MIB1: variants seen among roughly 807,000 people sequenced by gnomAD.
MIB1 encodes E3 ubiquitin-protein ligase MIB1.
Under a neutral mutation model 124.5 loss-of-function variants are expected in MIB1, and 278 were observed. The ratio of observed to expected loss-of-function variants is 2.23; its 90% CI spans 2.02 to 2.47. The LOEUF is 2.47. Among genes scored for constraint, MIB1 ranks in the 30% most tolerant of loss-of-function variants. The pLI is 0.00. For synonymous variants in MIB1, 446 were observed against 429.4 expected (o/e 1.04, Z -0.48); for missense variants, 957 against 1,254.4 (o/e 0.76, Z 3.58).
Position 21,824,664 on chromosome 18 carries a change from T to C in MIB1, c.1829+5018T>C, listed in dbSNP as rs182332480. Reference sequence around the variant, plus strand: ...AAGTGATAAGATATATATTTATATATGTCTCCTTTTGCCCACAGTCTTTTA... The same window carrying C: ...AAGTGATAAGATATATATTTATATACGTCTCCTTTTGCCCACAGTCTTTTA... On this transcript the variant is annotated intron_variant, in intron 12 of 20. Coordinates refer to ENST00000261537, the MANE Select transcript of MIB1 (RefSeq NM_020774.4). Among the ~76,000 whole-genome samples, 998 of 152,230 alleles carry C rather than the reference T, an allele frequency of 6.6e-3. 8 individuals are homozygous for C. Among genetic ancestry groups the C allele is most frequent in the Middle Eastern group, 0.01 (3 of 294 alleles).
intron 1 of MIB1, among the ~76,000 whole-genome samples, chr18:21,721,202 A>G (rs769555217): frequency 2.1e-3 from 64 of 30,548 alleles, no homozygotes; most frequent in South Asian, 4.3e-3. Flanking sequence ...TTTTTTTGAG[A>G]CAGAGTCTCC....
At chr18:21,713,483 C>T (rs112889435) in intron 1 of MIB1, among the ~76,000 whole-genome samples, 2,799 of 151,684 alleles carry the variant, frequency 0.018, 35 homozygotes, top group East Asian at 0.069. Context: ...CATGGTGGCA[C>T]GCGCCTGTAA....
At position 21,741,753 on chromosome 18, in the gene MIB1, C is replaced by T; in HGVS notation, c.170C>T (p.Ala57Val). 1 of 1,610,802 alleles carries T rather than the reference C, an allele frequency of 6.2e-7. No individual in the cohort carries two copies. Among genetic ancestry groups the T allele is most frequent in the Non-Finnish European group, 8.5e-7 (1 of 1,179,122 alleles). The change falls in exon 1 of 21, where the codon GCT becomes GTT. Residue 57 changes from alanine to valine, a missense_variant. By Grantham distance (64) the Ala-to-Val change is moderately conservative. Coordinates refer to ENST00000261537, the MANE Select transcript of MIB1 (RefSeq NM_020774.4). The surrounding 1 kb of genome is among the most constrained non-coding windows in gnomAD (Gnocchi z 5.4). ...GTGGTAGTGTGGGACAACGGCACAG[C>T]TGCCAACTACCGCTGCTCCGGGGCT... ...EVVVVWDNGT[A>V]ANYRCSGAYD...
intron 2 of MIB1, among the ~76,000 whole-genome samples, chr18:21,767,574 G>A (rs1426273299): frequency 6.6e-6 from 1 of 151,712 alleles, no homozygotes; most frequent in Non-Finnish European, 1.5e-5. Context: ...TTGAAATGGA[G>A]TCTCTCTCTG....
intron 1 of MIB1, among the ~76,000 whole-genome samples, chr18:21,760,063 T>C (rs970397301): frequency 2.0e-5 from 3 of 152,178 alleles, no homozygotes; most frequent in Non-Finnish European, 4.4e-5. Flanking sequence ...GGTGGTTCAT[T>C]TAACGGCGGC....
intron 20 of MIB1, among the ~76,000 whole-genome samples, chr18:21,861,128 A>G (rs2042272943): frequency 2.0e-5 from 3 of 152,200 alleles, no homozygotes; most frequent in Admixed American, 2.0e-4. Context: ...TGATTAGGCC[A>G]GTTTTTCTTT....
rs571547910 is a variant in MIB1, at chr18:21,868,400, T to G, written c.*3734T>G. 15 of 152,570 alleles carry G rather than the reference T, an allele frequency of 9.8e-5. No homozygotes were observed. Among genetic ancestry groups the G allele is most frequent in the South Asian group, 4.1e-4 (2 of 4,826 alleles). 9.5% of individuals were successfully genotyped at this position (152,570 alleles called of 1,614,324 possible). A position where few individuals can be genotyped will look rare whatever the true frequency, so the allele number is the denominator to read the frequency against. ...GTAAACATTAAGTTCTTAAAATTTT[T>G]GGGAGGGACAGTGCACCTCTCCTCT... On this transcript the variant is annotated 3_prime_UTR_variant, in exon 21 of 21. Coordinates refer to ENST00000261537, the MANE Select transcript of MIB1 (RefSeq NM_020774.4).
chr18:21,717,064 A>G (rs2040692880), intron 1 of MIB1, among the ~76,000 whole-genome samples: 1 of 152,228 alleles, frequency 6.6e-6, no homozygotes, highest in Non-Finnish European at 1.5e-5. Flanking sequence ...AAGAATATAC[A>G]CCAATGGAAT....
chr18:21,777,682 G>T (rs374220878), intron 4 of MIB1, among the ~76,000 whole-genome samples: 1 of 152,048 alleles, frequency 6.6e-6, no homozygotes, highest in African/African-American at 2.4e-5. Context: ...CACCTCCTGA[G>T]CATCTGGGAT....
At chr18:21,750,579 G>A (rs62090809) in intron 1 of MIB1, among the ~76,000 whole-genome samples, 1 of 151,464 alleles carries the variant, frequency 6.6e-6, no homozygotes, top group Non-Finnish European at 1.5e-5. Context: ...CGCCCGCCTC[G>A]GCCTCCCAAA....
intron 6 of MIB1, among the ~76,000 whole-genome samples, chr18:21,782,518 C>A (rs2041382056): frequency 6.6e-6 from 1 of 151,864 alleles, no homozygotes; most frequent in Admixed American, 6.6e-5. Context: ...TTTCCATTTT[C>A]ATTTGTTTCA....
At chr18:21,764,451 C>T (rs2146404852) in intron 1 of MIB1, among the ~76,000 whole-genome samples, 1 of 152,252 alleles carries the variant, frequency 6.6e-6, no homozygotes, top group East Asian at 1.9e-4. Context: ...AATATGACCA[C>T]TTTTGTACTC....
At chr18:21,804,695 A>G (rs1234291269) in intron 10 of MIB1, among the ~76,000 whole-genome samples, 1 of 152,210 alleles carries the variant, frequency 6.6e-6, no homozygotes, top group Non-Finnish European at 1.5e-5. Context: ...AATAAATCAA[A>G]TTCTAGCAAA....
chr18:21,775,274 C>T (rs1028603864), intron 4 of MIB1, among the ~76,000 whole-genome samples: 15 of 152,022 alleles, frequency 9.9e-5, no homozygotes, highest in African/African-American at 3.1e-4. Context: ...GGGTCTTGCT[C>T]TGTCACTCAA....
chr18:21,800,000 A>G, intron 9 of MIB1, 26 bp downstream of exon 9: 1 of 1,599,912 alleles, frequency 6.3e-7, no homozygotes. Context: ...ATTATTTTGA[A>G]GCATACAAAA....
intron 7 of MIB1, among the ~76,000 whole-genome samples, chr18:21,794,837 A>G (rs2041555265): frequency 1.3e-5 from 2 of 152,010 alleles, no homozygotes; most frequent in African/African-American, 4.8e-5. Flanking sequence ...TAAGCTGAAG[A>G]TTTTATATGT....
intron 1 of MIB1, among the ~76,000 whole-genome samples, chr18:21,746,950 C>T (rs1454450389): frequency 6.6e-6 from 1 of 152,018 alleles, no homozygotes; most frequent in Non-Finnish European, 1.5e-5. Context: ...ATTAATAATC[C>T]TCAGCTTTTC....
chr18:21,819,198 C>A (rs553309143), intron 11 of MIB1, among the ~76,000 whole-genome samples: 23 of 152,228 alleles, frequency 1.5e-4, no homozygotes, highest in African/African-American at 4.6e-4. Flanking sequence ...CCGCCGTGCC[C>A]GGCTAATTTT....
intron 6 of MIB1, among the ~76,000 whole-genome samples, chr18:21,780,264 C>G (rs1240716295): frequency 1.3e-5 from 2 of 152,180 alleles, no homozygotes; most frequent in Non-Finnish European, 2.9e-5. Flanking sequence ...TTCCTCTCCC[C>G]AGCTGTTCTG....
Sources: gnomAD v4.1 joint callset for allele counts (sites outside exome capture counted in the v4.1 genomes callset) on GRCh38, gnomAD v4.1.1 for gene constraint, Gnocchi (gnomAD v3.1) non-coding constraint, MANE v1.5 for transcripts, NCBI Gene and HGNC (gene_info 2026-07-23, HGNC 2026-07-21) for gene names.